The following KMT2C variants were observed in gnomAD, a reference collection of about 807,000 sequenced individuals.
KMT2C encodes the protein histone-lysine N-methyltransferase 2C.
Under a neutral mutation model 507.9 loss-of-function variants are expected in KMT2C, and 88 were observed. That is an observed-to-expected ratio of 0.17 (90% CI 0.15 to 0.21). The LOEUF is 0.21. KMT2C is among the 10% of genes least tolerant of loss of function. KMT2C has a pLI of 1.00. For synonymous variants in KMT2C, 2,049 were observed against 2,080.8 expected (o/e 0.98, Z 0.42); for missense variants, 4,954 against 5,957.8 (o/e 0.83, Z 5.55).
intron 3 of KMT2C, among the ~76,000 whole-genome samples, chr7:152,322,511 C>T (rs2096781562): frequency 6.6e-6 from 1 of 151,970 alleles, no homozygotes; most frequent in South Asian, 2.1e-4. Flanking sequence ...TATCCATATG[C>T]ACAAGAATAA....
chr7:152,145,007 A>G lies in KMT2C; in HGVS notation c.14175-126T>C, dbSNP rs148879754. 1.4e-4 allele frequency: 196 copies of G among 1,370,638 alleles called. 1 individual carries two copies. Among genetic ancestry groups the G allele is most frequent in the African/African-American group, 1.1e-3 (79 of 68,982 alleles). The allele number at this position is 1,370,638 out of a possible 1,614,324, so 84.9% of individuals were successfully genotyped here. A position where few individuals can be genotyped will look rare whatever the true frequency, so the allele number is the denominator to read the frequency against. Reference sequence around the variant, plus strand: ...AAACATACATGGAAAGCTGCCTAGCAGAGACACACGGCGAGTTCTCTTATG... The same window carrying G: ...AAACATACATGGAAAGCTGCCTAGCGGAGACACACGGCGAGTTCTCTTATG... On this transcript the variant is annotated intron_variant, in intron 54 of 58. Coordinates refer to ENST00000262189, the MANE Select transcript of KMT2C (RefSeq NM_170606.3).
At chr7:152,304,694 C>G (rs1416160620) in intron 6 of KMT2C, among the ~76,000 whole-genome samples, 1 of 152,052 alleles carries the variant, frequency 6.6e-6, no homozygotes, top group Non-Finnish European at 1.5e-5. Flanking sequence ...TAAAGGTCAG[C>G]AAATTTCATT....
chr7:152,278,604 T>C (rs1037980032), intron 6 of KMT2C, among the ~76,000 whole-genome samples: 1 of 152,078 alleles, frequency 6.6e-6, no homozygotes, highest in Non-Finnish European at 1.5e-5. Context: ...GCTATATATA[T>C]GCACAATGCA....
chr7:152,358,584 T>C lies in KMT2C; in HGVS notation c.250+3A>G. The C allele has an allele frequency of 1.9e-6, 3 of 1,580,600 alleles. No homozygotes were observed. The highest frequency in any genetic ancestry group is 2.6e-6 in the Non-Finnish European group (3 of 1,150,722). ...ATTCTTATAAATTCTTGAGTTCTGA[T>C]ACCTGTTTCCACAATCGTTTCTGTT... On this transcript the variant is annotated splice_donor_region_variant and intron_variant, in intron 2 of 58. Coordinates refer to ENST00000262189, the MANE Select transcript of KMT2C (RefSeq NM_170606.3).
intron 1 of KMT2C, among the ~76,000 whole-genome samples, chr7:152,407,685 A>AAAAAAG (rs373786226): frequency 6.8e-6 from 1 of 147,748 alleles, no homozygotes; most frequent in Admixed American, 6.8e-5. Context: ...AAAAAAAAAA[A>AAAAAAG]GGTAGCAAAG....
At chr7:152,414,845 T>A (rs1271169832) in intron 1 of KMT2C, among the ~76,000 whole-genome samples, 1 of 151,786 alleles carries the variant, frequency 6.6e-6, no homozygotes, top group Non-Finnish European at 1.5e-5. Flanking sequence ...CTCAATACTT[T>A]CTTTCTTTTT....
intron 9 of KMT2C, among the ~76,000 whole-genome samples, chr7:152,259,446 G>GCGCACACACACACACACACACA (rs1188729137): frequency 1.5e-5 from 2 of 134,688 alleles, no homozygotes; most frequent in African/African-American, 5.6e-5. Context: ...ACACACACGC[G>GCGCACACACACACACACACACA]CACACACACA....
At chr7:152,323,837 GGAGA>G (rs755994844) in intron 3 of KMT2C, among the ~76,000 whole-genome samples, 4 of 145,796 alleles carry the variant, frequency 2.7e-5, no homozygotes, top group Non-Finnish European at 4.5e-5. Flanking sequence ...GGAAGAGTGG[GGAGA>G]GAGAGAGAGA....
intron 1 of KMT2C, among the ~76,000 whole-genome samples, chr7:152,388,232 T>C (rs1431549656): frequency 6.6e-6 from 1 of 152,298 alleles, no homozygotes; most frequent in African/African-American, 2.4e-5. Context: ...AGTAAGTCTG[T>C]TTAAATACAC....
chr7:152,349,770 C>G (rs1391963972), intron 2 of KMT2C, among the ~76,000 whole-genome samples: 2 of 151,864 alleles, frequency 1.3e-5, no homozygotes, highest in African/African-American at 4.8e-5. Flanking sequence ...AAGAGTGAAC[C>G]CTTATGTGAA....
At chr7:152,152,606 T>C (rs923583132) in intron 49 of KMT2C, 99 bp downstream of exon 49, 1 of 1,412,196 alleles carries the variant, frequency 7.1e-7, no homozygotes, top group South Asian at 1.3e-5. Flanking sequence ...GCCAGCATGT[T>C]ACCTGTCCGT....
At position 152,145,947 on chromosome 7, in the gene KMT2C, C is replaced by T. The variant is rs145365227; in HGVS notation, c.14031+652G>A. ...AAGTATCATTTAGGCAGGGCGATTC[C>T]AAAGAAAACAATTAGGCACATTACT... On this transcript the variant is annotated intron_variant, in intron 53 of 58. Coordinates refer to ENST00000262189, the MANE Select transcript of KMT2C (RefSeq NM_170606.3). Among the ~76,000 whole-genome samples, 138 of 152,248 alleles carry T rather than the reference C, an allele frequency of 9.1e-4. 1 individual carries two copies. Among genetic ancestry groups the T allele is most frequent in the African/African-American group, 3.1e-3 (127 of 41,556 alleles).
intron 9 of KMT2C, 144 bp from the exon 10 acceptor site, chr7:152,252,859 C>CT (rs66963045): frequency 0.034 from 16,585 of 491,742 alleles, 1 homozygote; most frequent in Middle Eastern, 0.042. Context: ...AGGGTACATG[C>CT]TTTTTTTTTT....
chr7:152,167,514 T>C (rs1020735732), intron 41 of KMT2C, 136 bp from the exon 42 acceptor site: 1 of 605,692 alleles, frequency 1.7e-6, no homozygotes, highest in Non-Finnish European at 2.9e-6. Flanking sequence ...TACTAAATAT[T>C]AGACGATTAT....
chr7:152,327,056 CCTGT>C (rs995855124), intron 3 of KMT2C, among the ~76,000 whole-genome samples: 1 of 152,110 alleles, frequency 6.6e-6, no homozygotes, highest in Admixed American at 6.5e-5. Context: ...TTCACTCTGT[CCTGT>C]CTAATGAAAA....
chr7:152,378,375 A>G (rs2097345186), intron 1 of KMT2C, among the ~76,000 whole-genome samples: 1 of 152,270 alleles, frequency 6.6e-6, no homozygotes, highest in South Asian at 2.1e-4. Flanking sequence ...GTCAGCAGCC[A>G]CCAACATCCT....
intron 14 of KMT2C, among the ~76,000 whole-genome samples, chr7:152,241,761 T>C (rs1012250883): frequency 1.3e-5 from 2 of 152,242 alleles, no homozygotes; most frequent in Non-Finnish European, 2.9e-5. Flanking sequence ...AGTCGATAGT[T>C]TAATATTATG....
intron 1 of KMT2C, among the ~76,000 whole-genome samples, chr7:152,401,062 T>C (rs927499417): frequency 6.6e-6 from 1 of 151,946 alleles, no homozygotes. Flanking sequence ...GTGAAAAATA[T>C]TACATGATCA....
intron 6 of KMT2C, among the ~76,000 whole-genome samples, chr7:152,290,294 A>ATATAT (rs1563743352): frequency 1.9e-4 from 4 of 21,416 alleles, no homozygotes; most frequent in Non-Finnish European, 3.1e-4. Context: ...ATATATATAT[A>ATATAT]TTTTTTTTTT....
Sources: allele counts gnomAD v4.1 joint callset (sites outside exome capture counted in the v4.1 genomes callset), GRCh38; gene constraint gnomAD v4.1.1; transcripts MANE v1.5; gene names NCBI Gene and HGNC (gene_info 2026-07-23, HGNC 2026-07-21).